LMBRD1: variants seen among roughly 807,000 people sequenced by gnomAD.
The protein encoded by LMBRD1 is LMBR1 domain containing 1, also known as lysosomal cobalamin transport escort protein LMBD1.
A neutral mutation model predicts 74.8 loss-of-function variants in LMBRD1; 64 were observed. That is an observed-to-expected ratio of 0.86 (90% CI 0.70 to 1.05). LMBRD1 has a LOEUF of 1.05. Among genes scored for constraint, LMBRD1 ranks in the 50% least tolerant of loss-of-function variants. The pLI is 0.00. For missense variants in LMBRD1, 652 were observed against 645.9 expected (o/e 1.01, Z -0.10); for synonymous variants, 204 against 216.3 (o/e 0.94, Z 0.50).
chr6:69,684,911 T>C (rs1481909575), intron 14 of LMBRD1, among the ~76,000 whole-genome samples: 1 of 152,160 alleles, frequency 6.6e-6, no homozygotes, highest in Non-Finnish European at 1.5e-5. Flanking sequence ...ACTTTAATAA[T>C]ACTATTTAAA....
At chr6:69,776,403 T>C (rs1204780390) in intron 3 of LMBRD1, among the ~76,000 whole-genome samples, 1 of 152,224 alleles carries the variant, frequency 6.6e-6, no homozygotes, top group African/African-American at 2.4e-5. Flanking sequence ...AACTAGCACC[T>C]AAACTGGTAC....
chr6:69,752,139 A>C, intron 4 of LMBRD1, 120 bp downstream of exon 4: 1 of 875,102 alleles, frequency 1.1e-6, no homozygotes. Context: ...TAATTTAGCT[A>C]ACATTGTATT....
intron 3 of LMBRD1, 77 bp from the exon 4 acceptor site, chr6:69,752,433 A>G (rs1239063027): frequency 1.1e-5 from 13 of 1,188,138 alleles, no homozygotes; most frequent in Non-Finnish European, 1.6e-5. Flanking sequence ...ATATGTATAT[A>G]TATTCACTTA....
At position 69,677,367 on chromosome 6, in the gene LMBRD1, C is replaced by T. The variant is rs138776427; in HGVS notation, c.1418-826G>A. On this transcript the variant is annotated intron_variant, in intron 14 of 15. Transcript: ENST00000649934. ...GTAGGTCATAGAATTTCTTTATGGC[C>T]AGCTCCTACATAGAAAGGCAGGGGA... Among the ~76,000 whole-genome samples, 725 of 152,168 alleles carry T rather than the reference C, an allele frequency of 4.8e-3. 8 individuals are homozygous for T. The highest frequency in any genetic ancestry group is 0.017 in the Middle Eastern group (5 of 294).
At chr6:69,758,276 G>A (rs1200933842) in intron 3 of LMBRD1, among the ~76,000 whole-genome samples, 1 of 152,134 alleles carries the variant, frequency 6.6e-6, no homozygotes, top group Admixed American at 6.5e-5. Flanking sequence ...TCAATATTGT[G>A]ACAGAATAAT....
intron 2 of LMBRD1, among the ~76,000 whole-genome samples, chr6:69,785,460 T>C (rs551460951): frequency 6.6e-5 from 10 of 152,308 alleles, no homozygotes; most frequent in Non-Finnish European, 1.3e-4. Context: ...ACTTTAAAGG[T>C]AGCCTGTCCG....
At chr6:69,767,277 T>C (rs1449428256) in intron 3 of LMBRD1, among the ~76,000 whole-genome samples, 1 of 151,700 alleles carries the variant, frequency 6.6e-6, no homozygotes, top group Admixed American at 6.6e-5. Flanking sequence ...CTTTTTCTGT[T>C]TTCCTAAGGT....
chr6:69,774,948 TGGAAGGAAGGAAGGAA>T (rs1157907347), intron 3 of LMBRD1, among the ~76,000 whole-genome samples: 53 of 38,878 alleles, frequency 1.4e-3, no homozygotes, highest in African/African-American at 2.6e-3. Context: ...TACAGTGAGA[TGGAAGGAAGGAAGGAA>T]GGAAGGAAGG....
chr6:69,789,815 C>G (rs961575870), intron 2 of LMBRD1, among the ~76,000 whole-genome samples: 3 of 152,128 alleles, frequency 2.0e-5, no homozygotes, highest in East Asian at 3.8e-4. Context: ...AAATGAGGAA[C>G]CTCAAGTCCA....
At chr6:69,784,977 G>T (rs1197859838) in intron 2 of LMBRD1, among the ~76,000 whole-genome samples, 1 of 152,072 alleles carries the variant, frequency 6.6e-6, no homozygotes, top group African/African-American at 2.4e-5. Context: ...TTCCTGAAAA[G>T]TTGTCAGCAT....
chr6:69,718,098 G>C (rs1022902074), intron 8 of LMBRD1, among the ~76,000 whole-genome samples: 16 of 151,446 alleles, frequency 1.1e-4, no homozygotes, highest in African/African-American at 3.9e-4. Context: ...ACTAGCTTAG[G>C]AGAAAAATTT....
intron 14 of LMBRD1, among the ~76,000 whole-genome samples, chr6:69,695,723 C>T (rs1280382707): frequency 2.0e-5 from 3 of 152,058 alleles, no homozygotes; most frequent in African/African-American, 7.2e-5. Flanking sequence ...GGATCTGGAA[C>T]CCATTAATAT....
intron 3 of LMBRD1, among the ~76,000 whole-genome samples, chr6:69,777,712 T>C (rs1430116678): frequency 6.6e-6 from 1 of 151,592 alleles, no homozygotes; most frequent in African/African-American, 2.4e-5. Context: ...AGGGCATTCA[T>C]GAAAACTAGA....
intron 1 of LMBRD1, among the ~76,000 whole-genome samples, chr6:69,796,612 A>C (rs552459950): frequency 2.4e-3 from 364 of 152,252 alleles, no homozygotes; most frequent in African/African-American, 8.4e-3. Context: ...GTGAAATGAC[A>C]GCAAAAGAGA....
intron 7 of LMBRD1, among the ~76,000 whole-genome samples, chr6:69,728,684 T>C (rs2149862906): frequency 6.6e-6 from 1 of 152,356 alleles, no homozygotes; most frequent in South Asian, 2.1e-4. Flanking sequence ...ACTGGTCTGC[T>C]GGTCTCAATT....
chr6:69,777,604 G>A (rs1326927306), intron 3 of LMBRD1, among the ~76,000 whole-genome samples: 1 of 151,896 alleles, frequency 6.6e-6, no homozygotes, highest in Non-Finnish European at 1.5e-5. Flanking sequence ...AACTACTTTG[G>A]GCTATGCCAT....
chr6:69,750,451 C>A (rs1765107644), intron 4 of LMBRD1, among the ~76,000 whole-genome samples: 1 of 152,026 alleles, frequency 6.6e-6, no homozygotes, highest in South Asian at 2.1e-4. Context: ...CAAAGCTGGA[C>A]ATTCTGAATA....
At chr6:69,715,703 C>T (rs1026842885) in intron 8 of LMBRD1, among the ~76,000 whole-genome samples, 4 of 152,096 alleles carry the variant, frequency 2.6e-5, no homozygotes, top group East Asian at 1.9e-4. Flanking sequence ...CACACACACA[C>T]GTACACATAT....
Position 69,676,524 on chromosome 6 carries a change from G to C in LMBRD1, c.1435C>G (p.Arg479Gly). Residue 479 changes from arginine (R) to glycine (G), a missense_variant, in exon 15 of 16, where the codon CGG (arginine) becomes GGG (glycine). By Grantham distance (125) the Arg-to-Gly change is moderately radical (BLOSUM62 -2). Coordinates refer to ENST00000649934, the MANE Select transcript of LMBRD1 (RefSeq NM_018368.4). ...AACTTGTGAAGGAATAGGTATGTCCGGGTAACAGTACACTGATCTGTGAAA... is the reference window on the plus strand; with the variant it reads ...AACTTGTGAAGGAATAGGTATGTCCCGGTAACAGTACACTGATCTGTGAAA... ...DAPEDQCTVT[R>G]TYLFLHKFWF... 6.2e-7 allele frequency: 1 copy of C among 1,612,824 alleles called. No homozygotes were observed. The highest frequency in any genetic ancestry group is 8.5e-7 in the Non-Finnish European group (1 of 1,179,100).
Sources: gnomAD v4.1 joint callset for allele counts (sites outside exome capture counted in the v4.1 genomes callset) on GRCh38, gnomAD v4.1.1 for gene constraint, MANE v1.5 for transcripts, NCBI Gene and HGNC (gene_info 2026-07-23, HGNC 2026-07-21) for gene names.